PDLIM5: variants seen among roughly 807,000 people sequenced by gnomAD.
PDLIM5 encodes the protein PDZ and LIM domain protein 5.
A neutral mutation model predicts 64.2 loss-of-function variants in PDLIM5; 34 were observed. The ratio of observed to expected loss-of-function variants is 0.53; its 90% CI spans 0.40 to 0.71. The LOEUF is 0.71. PDLIM5 is among the 30% of genes least tolerant of loss of function. The probability of loss-of-function intolerance (pLI) is 0.00; values close to 1 mark genes in which losing one functional copy is unlikely to be tolerated. For missense variants in PDLIM5, 683 were observed against 733.6 expected, an observed-to-expected ratio of 0.93 and a Z score of 0.80; for synonymous variants, 253 against 269.1, an observed-to-expected ratio of 0.94 and a Z score of 0.59.
chr4:94,592,800 G>C (rs1412190706), intron 7 of PDLIM5, among the ~76,000 whole-genome samples: 1 of 151,918 alleles, frequency 6.6e-6, no homozygotes, highest in Non-Finnish European at 1.5e-5. Flanking sequence ...CTAATTTTTT[G>C]TAAAGGCAGG....
At chr4:94,587,964 G>T (rs1736375576) in intron 7 of PDLIM5, 1 of 981,966 alleles carries the variant, frequency 1.0e-6, no homozygotes, top group African/African-American at 1.7e-5. Context: ...GTGCACTGCT[G>T]CTATTCCTAG....
At chr4:94,493,040 T>C (rs940580822) in intron 2 of PDLIM5, among the ~76,000 whole-genome samples, 1 of 152,206 alleles carries the variant, frequency 6.6e-6, no homozygotes, top group Non-Finnish European at 1.5e-5. Context: ...ACACTTGTTA[T>C]TGTCTGTAGT....
chr4:94,522,259 C>T (rs760884544), intron 2 of PDLIM5, among the ~76,000 whole-genome samples: 5 of 152,076 alleles, frequency 3.3e-5, no homozygotes, highest in Non-Finnish European at 5.9e-5. Flanking sequence ...GAGAAAGTGG[C>T]GTATAGCTCA....
chr4:94,647,423 A>G (rs1302147113), intron 9 of PDLIM5, among the ~76,000 whole-genome samples: 1 of 152,184 alleles, frequency 6.6e-6, no homozygotes, highest in African/African-American at 2.4e-5. Context: ...TTTTATAATG[A>G]TAAAAAGCTC....
At position 94,491,035 on chromosome 4, in the gene PDLIM5, A is replaced by G. The variant is rs73833921; in HGVS notation, c.97-32689A>G. 8.7e-4 allele frequency among the ~76,000 whole-genome samples: 133 copies of G among 152,308 alleles called. 1 individual carries two copies. Among genetic ancestry groups the G allele is most frequent in the African/African-American group, 3.1e-3 (128 of 41,580 alleles). The stretch of plus-strand genomic sequence containing the variant: ...ACCTCTATCATAAAGCAACATATCT[A>G]TTCCCACTGGGAATTTTCATATGCT... On this transcript the variant is annotated intron_variant, in intron 2 of 12. Transcript: ENST00000317968.
chr4:94,617,946 T>C, intron 7 of PDLIM5, 58 bp from the exon 8 acceptor site: 2 of 866,304 alleles, frequency 2.3e-6, no homozygotes, highest in Admixed American at 5.8e-5. Context: ...AAGAAAGGAT[T>C]ATTGCTGAGT....
rs1560642911 is a variant in PDLIM5, at chr4:94,478,911, T to TTTTTTTG, written c.96+23533_96+23534insGTTTTTT. The stretch of plus-strand genomic sequence containing the variant: ...TGGTGTTTTTTTTTTTTTTTTTTTT[T>TTTTTTTG]TTTTTTAAGACAGGGTCTTGCTGTG... On this transcript the variant is annotated intron_variant, in intron 2 of 12. Coordinates refer to ENST00000317968, the MANE Select transcript of PDLIM5 (RefSeq NM_006457.5). Among the ~76,000 whole-genome samples, 4 of 145,298 alleles carry TTTTTTTG rather than the reference T, an allele frequency of 2.8e-5. 1 individual carries two copies. Among genetic ancestry groups the TTTTTTTG allele is most frequent in the African/African-American group, 1.1e-4 (4 of 37,192 alleles).
chr4:94,646,560 ACAAC>A (rs1485982083), intron 9 of PDLIM5, among the ~76,000 whole-genome samples: 1 of 152,226 alleles, frequency 6.6e-6, no homozygotes, highest in African/African-American at 2.4e-5. Context: ...AAGCAAATCA[ACAAC>A]CAAATTAATA....
At chr4:94,455,408 T>C (rs1294408117) in intron 2 of PDLIM5, 24 bp downstream of exon 2, 2 of 1,417,584 alleles carry the variant, frequency 1.4e-6, no homozygotes, top group Non-Finnish European at 2.0e-6. Context: ...ACAAATTTTA[T>C]TATAGATGTT....
At chr4:94,571,898 T>G (rs1734834719) in intron 3 of PDLIM5, among the ~76,000 whole-genome samples, 1 of 152,206 alleles carries the variant, frequency 6.6e-6, no homozygotes, top group Non-Finnish European at 1.5e-5. Context: ...ATAGTACACA[T>G]AGAAGGTTGT....
At chr4:94,611,338 G>T in intron 7 of PDLIM5, 1 of 643,894 alleles carries the variant, frequency 1.6e-6, no homozygotes, top group Admixed American at 2.8e-5. Flanking sequence ...TGAATGAACT[G>T]TAATGTCAGT....
At chr4:94,464,559 T>G (rs1724179779) in intron 2 of PDLIM5, among the ~76,000 whole-genome samples, 1 of 152,188 alleles carries the variant, frequency 6.6e-6, no homozygotes, top group Non-Finnish European at 1.5e-5. Flanking sequence ...AGGACAGATG[T>G]CCTTTAGAAA....
In PDLIM5 at chr4:94,664,089, A is replaced by G. The variant is rs752196847; in HGVS notation, c.*22A>G. On this transcript the variant is annotated 3_prime_UTR_variant, in exon 13 of 13. Coordinates refer to ENST00000317968, the MANE Select transcript of PDLIM5 (RefSeq NM_006457.5). ...TTGAAAGTCAACAGTTCAGGAGAAG[A>G]GAAGGAATTTGAAGAGAAAAAGGAA... is the stretch of plus-strand genomic sequence containing the variant. 2.0e-6 allele frequency: 3 copies of G among 1,530,396 alleles called. No individual in the cohort carries two copies. Among genetic ancestry groups the G allele is most frequent in the Non-Finnish European group, 2.7e-6 (3 of 1,129,806 alleles). The allele number at this position is 1,530,396 out of a possible 1,614,324, so 94.8% of individuals were successfully genotyped here.
chr4:94,647,081 G>C (rs1041028193), intron 9 of PDLIM5, among the ~76,000 whole-genome samples: 1 of 151,812 alleles, frequency 6.6e-6, no homozygotes, highest in African/African-American at 2.4e-5. Context: ...TTTTTATGTA[G>C]GAAAGGGAAC....
intron 2 of PDLIM5, among the ~76,000 whole-genome samples, chr4:94,462,041 T>C (rs1206938415): frequency 3.9e-5 from 6 of 152,166 alleles, no homozygotes; most frequent in African/African-American, 1.4e-4. Context: ...TTTTTTTGTA[T>C]TTGTGGTAGA....
At chr4:94,659,479 AGTATATATGTGTGTATGTGTGTGTGTGT>A (rs1204030905) in intron 11 of PDLIM5, among the ~76,000 whole-genome samples, 2 of 135,742 alleles carry the variant, frequency 1.5e-5, no homozygotes, top group African/African-American at 6.0e-5. Flanking sequence ...GAGCAGCTGT[AGTATATATGTGTGTATGTGTGTGTGTGT>A]GTGTGTGTGT....
chr4:94,456,093 AC>A, intron 2 of PDLIM5: 1 of 828,456 alleles, frequency 1.2e-6, no homozygotes, highest in Non-Finnish European at 1.7e-6. Flanking sequence ...CACTTTCATC[AC>A]CAGTAGGTAA....
intron 4 of PDLIM5, chr4:94,573,731 C>T (rs570649399): frequency 3.7e-6 from 1 of 271,420 alleles, no homozygotes; most frequent in South Asian, 6.2e-5. Flanking sequence ...AAATTAATAT[C>T]ACAATAAGTC....
chr4:94,599,018 A>G (rs1737281035), intron 7 of PDLIM5, among the ~76,000 whole-genome samples: 1 of 152,110 alleles, frequency 6.6e-6, no homozygotes, highest in South Asian at 2.1e-4. Flanking sequence ...ATAAGAGATT[A>G]CGTGAAGTAC....
Sources: allele counts gnomAD v4.1 joint callset (sites outside exome capture counted in the v4.1 genomes callset), GRCh38; gene constraint gnomAD v4.1.1; transcripts MANE v1.5; gene names NCBI Gene and HGNC (gene_info 2026-07-23, HGNC 2026-07-21).